REC114: variants seen among roughly 807,000 people sequenced by gnomAD.
REC114 encodes the protein meiotic recombination protein REC114.
In REC114, 27 loss-of-function variants were observed where a neutral mutation model predicts 31.3. The observed-to-expected ratio is 0.86, with a 90% CI of 0.64 to 1.19. REC114 has a LOEUF of 1.19. Ranked by LOEUF, REC114 falls within the 50% of genes most tolerant of loss-of-function variation. The pLI is 0.00. For synonymous variants in REC114, 134 were observed against 127.7 expected (o/e 1.05, Z -0.33); for missense variants, 344 against 326.9 (o/e 1.05, Z -0.40).
In REC114 at chr15:73,518,954, A is replaced by G. The variant is rs369339388; in HGVS notation, c.250-21531A>G. 3.3e-5 allele frequency among the ~76,000 whole-genome samples: 5 copies of G among 152,322 alleles called. No individual in the cohort carries two copies. In the South Asian group the frequency reaches 6.2e-4, roughly 19 times the overall value. ...GAATACTAACTAATCTTAAAGACACATTGAGGCCAAAACAAGCCCATGAAA... is the reference window on the plus strand; with the variant it reads ...GAATACTAACTAATCTTAAAGACACGTTGAGGCCAAAACAAGCCCATGAAA... On this transcript the variant is annotated intron_variant, in intron 2 of 5. Transcript: ENST00000331090.
chr15:73,450,693 C>T (rs963321623), intron 1 of REC114, among the ~76,000 whole-genome samples: 1 of 152,218 alleles, frequency 6.6e-6, no homozygotes, highest in Non-Finnish European at 1.5e-5. Flanking sequence ...TTCTTCTCAG[C>T]ACCACATCAC....
intron 5 of REC114, among the ~76,000 whole-genome samples, chr15:73,558,385 C>T (rs1185926830): frequency 6.6e-6 from 1 of 152,152 alleles, no homozygotes; most frequent in Non-Finnish European, 1.5e-5. Flanking sequence ...AACTGGAGCC[C>T]ATCATCGTCA....
intron 4 of REC114, among the ~76,000 whole-genome samples, chr15:73,553,031 T>G (rs983909442): frequency 1.1e-4 from 16 of 152,224 alleles, no homozygotes; most frequent in Non-Finnish European, 1.8e-4. Flanking sequence ...GCCAAGCTGG[T>G]CTCGAACTCC....
At chr15:73,467,251 T>C (rs1465978562) in intron 1 of REC114, among the ~76,000 whole-genome samples, 3 of 152,250 alleles carry the variant, frequency 2.0e-5, no homozygotes, top group Non-Finnish European at 4.4e-5. Flanking sequence ...AGTATTTTTA[T>C]CACTGACATT....
At chr15:73,489,478 T>A (rs1288234184) in intron 2 of REC114, among the ~76,000 whole-genome samples, 1 of 151,980 alleles carries the variant, frequency 6.6e-6, no homozygotes, top group Non-Finnish European at 1.5e-5. Flanking sequence ...ACTGTTGGGA[T>A]TACAGGCGTG....
chr15:73,550,797 C>A, intron 3 of REC114, 141 bp from the exon 4 acceptor site: 1 of 722,012 alleles, frequency 1.4e-6, no homozygotes, highest in Non-Finnish European at 2.3e-6. Flanking sequence ...CTTTTCTATG[C>A]CTGCATCAAT....
In REC114 at chr15:73,556,322, A is replaced by G. The variant is rs750815476; in HGVS notation, c.567A>G (p.Gln189=). Reference sequence around the variant, plus strand: ...TCCAGTCCCACCAGCACTCAGAACAACAGCAAGTGTGTGTAACAGCGGGCA... The same window carrying G: ...TCCAGTCCCACCAGCACTCAGAACAGCAGCAAGTGTGTGTAACAGCGGGCA... ...RQPGSHQHSE[Q]QQVCVTAGTG... Residue 189 remains glutamine (Q), a synonymous_variant, in exon 5 of 6, where the codon CAA becomes CAG. Coordinates refer to ENST00000331090, the MANE Select transcript of REC114 (RefSeq NM_001042367.2). 1.4e-5 allele frequency: 23 copies of G among 1,613,616 alleles called. No homozygotes were observed. Among genetic ancestry groups the G allele is most frequent in the East Asian group, 4.5e-5 (2 of 44,884 alleles).
At chr15:73,496,616 G>A (rs1217816953) in intron 2 of REC114, among the ~76,000 whole-genome samples, 2 of 148,110 alleles carry the variant, frequency 1.4e-5, no homozygotes, top group Non-Finnish European at 3.0e-5. Flanking sequence ...TCACGCAACT[G>A]CACTCCAGGC....
intron 2 of REC114, among the ~76,000 whole-genome samples, chr15:73,507,000 A>G (rs1011870395): frequency 6.6e-6 from 1 of 152,212 alleles, no homozygotes; most frequent in Admixed American, 6.5e-5. Context: ...AATCTGTAAA[A>G]GAAAAGATTG....
chr15:73,496,351 CA>C (rs539098846), intron 2 of REC114, among the ~76,000 whole-genome samples: 884 of 20,502 alleles, frequency 0.043, 3 homozygotes, highest in African/African-American at 0.077. Context: ...GACTCCTTCT[CA>C]AAAAAAAAAA....
intron 4 of REC114, among the ~76,000 whole-genome samples, chr15:73,551,395 C>T (rs966871076): frequency 2.6e-5 from 4 of 152,078 alleles, no homozygotes; most frequent in Admixed American, 6.5e-5. Flanking sequence ...GTGTGGTCCA[C>T]GAACCCCTCC....
intron 1 of REC114, among the ~76,000 whole-genome samples, chr15:73,447,386 G>T (rs1262783342): frequency 6.6e-6 from 1 of 152,104 alleles, no homozygotes; most frequent in Non-Finnish European, 1.5e-5. Context: ...TGTAAGTTGG[G>T]TAGAGGGGAC....
chr15:73,553,204 T>C (rs1436189932), intron 4 of REC114, among the ~76,000 whole-genome samples: 1 of 152,238 alleles, frequency 6.6e-6, no homozygotes, highest in Non-Finnish European at 1.5e-5. Context: ...AAGCAGGTGC[T>C]GCATGATTTC....
intron 2 of REC114, among the ~76,000 whole-genome samples, chr15:73,487,802 C>T (rs1893391588): frequency 6.6e-6 from 1 of 152,236 alleles, no homozygotes; most frequent in African/African-American, 2.4e-5. Flanking sequence ...CTTGCAGTAG[C>T]CCTGCATCCG....
intron 3 of REC114, among the ~76,000 whole-genome samples, chr15:73,542,183 T>C (rs1490920009): frequency 6.6e-6 from 1 of 151,560 alleles, no homozygotes; most frequent in Non-Finnish European, 1.5e-5. Context: ...ATACAAAAAT[T>C]AGCCAGGGGT....
At chr15:73,478,526 C>T (rs1262988507) in intron 2 of REC114, among the ~76,000 whole-genome samples, 3 of 151,998 alleles carry the variant, frequency 2.0e-5, no homozygotes, top group Non-Finnish European at 4.4e-5. Flanking sequence ...TTAATTCTTC[C>T]AACTGTGTTC....
chr15:73,550,840 C>A, intron 3 of REC114, 98 bp from the exon 4 acceptor site: 1 of 1,117,132 alleles, frequency 9.0e-7, no homozygotes, highest in Non-Finnish European at 1.3e-6. Flanking sequence ...ATCTATACCT[C>A]TTCCTCCGCC....
At chr15:73,551,571 C>T (rs957834077) in intron 4 of REC114, among the ~76,000 whole-genome samples, 2 of 152,186 alleles carry the variant, frequency 1.3e-5, no homozygotes, top group African/African-American at 2.4e-5. Context: ...CCAAACTGTA[C>T]TAATAGTCAT....
chr15:73,528,836 T>A (rs557603726), intron 2 of REC114, among the ~76,000 whole-genome samples: 1 of 152,206 alleles, frequency 6.6e-6, no homozygotes, highest in South Asian at 2.1e-4. Context: ...CAAAAAAAAT[T>A]GTCAATCCCT....
Sources: gnomAD v4.1 joint callset for allele counts (sites outside exome capture counted in the v4.1 genomes callset) on GRCh38, gnomAD v4.1.1 for gene constraint, MANE v1.5 for transcripts, NCBI Gene and HGNC (gene_info 2026-07-23, HGNC 2026-07-21) for gene names.